The following RCC1 variants were observed in gnomAD, a reference collection of about 807,000 sequenced individuals.
The protein encoded by RCC1 is regulator of chromosome condensation 1, also known as regulator of chromosome condensation.
A neutral mutation model predicts 44.4 loss-of-function variants in RCC1; 11 were observed. That is an observed-to-expected ratio of 0.25 (90% CI 0.16 to 0.41). RCC1 has a LOEUF of 0.41. Ranked by LOEUF, RCC1 falls within the 10% of genes least tolerant of loss-of-function variation. RCC1 has a pLI of 1.00. For missense variants in RCC1, 386 were observed against 547.1 expected, an observed-to-expected ratio of 0.71 and a Z score of 2.94; for synonymous variants, 213 against 216.5, an observed-to-expected ratio of 0.98 and a Z score of 0.14.
rs1383079955 is a variant in RCC1, at chr1:28,538,176, CTT to C, written c.*171_*172del. ...TCCTTTTCCTCTTTTCCTTCCTCCT[CTT>C]TGGAATTTTCCTGGGACCTACAGAA... On this transcript the variant is annotated 3_prime_UTR_variant, in exon 13 of 13. Coordinates refer to ENST00000683442, the MANE Select transcript of RCC1 (RefSeq NM_001381865.2). 6.0e-5 allele frequency: 36 copies of C among 601,356 alleles called. No individual in the cohort carries two copies. In the Admixed American group the frequency reaches 1.2e-3, roughly 19 times the overall value. 37.3% of individuals were successfully genotyped at this position (601,356 alleles called of 1,614,324 possible).
intron 1 of RCC1, chr1:28,507,639 G>A (rs150220106): frequency 2.4e-6 from 1 of 421,552 alleles, no homozygotes; most frequent in Non-Finnish European, 4.5e-6. Context: ...GAGTCGCTCT[G>A]TTGCCCAGGC....
intron 1 of RCC1, chr1:28,506,590 C>T (rs932294041): frequency 5.1e-6 from 1 of 195,038 alleles, no homozygotes; most frequent in South Asian, 6.9e-5. Flanking sequence ...CCATGGAGAC[C>T]TCGGGACCCG....
At chr1:28,528,684 G>A (rs1663860264) in intron 4 of RCC1, among the ~76,000 whole-genome samples, 2 of 151,774 alleles carry the variant, frequency 1.3e-5, no homozygotes, top group Non-Finnish European at 2.9e-5. Context: ...AATATAGGAA[G>A]ATAAAACGAA....
chr1:28,522,511 A>G (rs1663348481), intron 4 of RCC1, among the ~76,000 whole-genome samples: 1 of 152,002 alleles, frequency 6.6e-6, no homozygotes, highest in Non-Finnish European at 1.5e-5. Context: ...TGAGGTTTGG[A>G]AAGATCATGA....
Position 28,535,921 on chromosome 1 carries a change from G to A in RCC1, c.712G>A (p.Gly238Ser), listed in dbSNP as rs1664523226. 2 of 1,614,074 alleles carry A rather than the reference G, an allele frequency of 1.2e-6. No individual in the cohort carries two copies. The highest frequency in any genetic ancestry group is 1.7e-6 in the Non-Finnish European group (2 of 1,179,994). Residue 238 changes from glycine (G) to serine (S), a missense_variant, in exon 10 of 13, where the codon GGC (glycine) becomes AGC (serine). Physicochemically the swap from Gly to Ser is moderately conservative, Grantham distance 56. Transcript: ENST00000683442. ...GATGCTGAAATCCAGGGGAAGCCGG[G>A]GCCACGTGAGATTCCAGGATGCCTT... Reference protein sequence around the residue: ...CVMLKSRGSRGHVRFQDAFCG... With the variant: ...CVMLKSRGSRSHVRFQDAFCG...
At position 28,513,620 on chromosome 1, in the gene RCC1, C is replaced by T. The variant is rs535000714; in HGVS notation, c.-152-3105C>T. On this transcript the variant is annotated intron_variant, in intron 3 of 12. Transcript: ENST00000683442. Reference sequence around the variant, plus strand: ...TTAAGACAGGGTCTCACTCTGTCACCCAGGCCAGAGTTCAGTGGCAAGATT... The same window carrying T: ...TTAAGACAGGGTCTCACTCTGTCACTCAGGCCAGAGTTCAGTGGCAAGATT... Among the ~76,000 whole-genome samples the T allele has an allele frequency of 1.2e-4, 18 of 152,100 alleles. No homozygotes were observed. In the East Asian group the frequency reaches 3.5e-3, roughly 29 times the overall value.
At chr1:28,508,575 G>A (rs1022308365) in intron 2 of RCC1, 1 of 518,436 alleles carries the variant, frequency 1.9e-6, no homozygotes, top group African/African-American at 1.9e-5. Context: ...TGGATACCCT[G>A]GGAGGTCACT....
intron 1 of RCC1, chr1:28,507,221 C>A: frequency 2.4e-6 from 1 of 411,410 alleles, no homozygotes; most frequent in Admixed American, 3.0e-5. Context: ...ATGCATGTTA[C>A]CAGTCTAGAA....
chr1:28,535,237 CCCTTA>C lies in RCC1; in HGVS notation c.539-16_539-12del. The C allele has an allele frequency of 6.2e-7, 1 of 1,614,184 alleles. No individual in the cohort carries two copies. The highest frequency in any genetic ancestry group is 2.2e-5 in the East Asian group (1 of 44,888). ...TGGGCCTTACAGTTGTGGCCTGCAT[CCCTTA>C]CCTTTTCATCCTTAGGAAACGACCA... On this transcript the variant is annotated splice_polypyrimidine_tract_variant and intron_variant, in intron 8 of 12. Coordinates refer to ENST00000683442, the MANE Select transcript of RCC1 (RefSeq NM_001381865.2).
chr1:28,514,226 GGATCACGA>G (rs1160294018), intron 3 of RCC1, among the ~76,000 whole-genome samples: 2 of 151,874 alleles, frequency 1.3e-5, no homozygotes, highest in African/African-American at 2.4e-5. Flanking sequence ...CGAGGCGGGC[GGATCACGA>G]GATCAGGAGA....
intron 3 of RCC1, chr1:28,510,616 T>C (rs1340539243): frequency 6.6e-6 from 1 of 152,240 alleles, no homozygotes; most frequent in Non-Finnish European, 1.5e-5. Context: ...GGCATCTTCC[T>C]AAAGCAATTG....
chr1:28,507,105 G>GT, intron 1 of RCC1: 2 of 231,530 alleles, frequency 8.6e-6, no homozygotes, highest in Middle Eastern at 3.8e-3. Flanking sequence ...AAGTCCACGT[G>GT]TTTCATTTGA....
intron 1 of RCC1, chr1:28,506,336 C>A: frequency 2.5e-6 from 1 of 404,424 alleles, no homozygotes; most frequent in Non-Finnish European, 4.9e-6. Flanking sequence ...AGGCACGTGC[C>A]ACCACGCCCG....
In RCC1 at chr1:28,536,163, G is replaced by T; in HGVS notation, c.818-99G>T. 6.4e-7 allele frequency: 1 copy of T among 1,557,538 alleles called. No individual in the cohort carries two copies. Among genetic ancestry groups the T allele is most frequent in the Non-Finnish European group, 8.7e-7 (1 of 1,149,798 alleles). Reference sequence around the variant, plus strand: ...GTTTTGTCATCTGTAAAGTGAGAATGTCCATATCCTGATGGGAGGTGGCCT... The same window carrying T: ...GTTTTGTCATCTGTAAAGTGAGAATTTCCATATCCTGATGGGAGGTGGCCT... On this transcript the variant is annotated intron_variant, in intron 10 of 12. Coordinates refer to ENST00000683442, the MANE Select transcript of RCC1 (RefSeq NM_001381865.2). This position sits in a 1 kb window ranked among gnomAD's most constrained non-coding sequence, Gnocchi z 4.9.
chr1:28,533,866 T>TTTTTTTTTTTTTTTTTTTTA (rs1664365865), intron 7 of RCC1, among the ~76,000 whole-genome samples: 1 of 20,098 alleles, frequency 5.0e-5, no homozygotes, highest in Non-Finnish European at 8.5e-5. Context: ...TTTTTTTTTT[T>TTTTTTTTTTTTTTTTTTTTA]TTTTTTTTTT....
intron 4 of RCC1, among the ~76,000 whole-genome samples, chr1:28,522,824 T>A (rs912930766): frequency 5.3e-5 from 8 of 150,872 alleles, no homozygotes; most frequent in South Asian, 4.2e-4. Flanking sequence ...CAAAAAAAAA[T>A]AAATATATAT....
At chr1:28,522,397 C>T (rs1253726621) in intron 4 of RCC1, among the ~76,000 whole-genome samples, 1 of 152,002 alleles carries the variant, frequency 6.6e-6, no homozygotes, top group Non-Finnish European at 1.5e-5. Context: ...TGTCAGTACC[C>T]GATGTTGGAG....
chr1:28,532,457 G>A, intron 7 of RCC1, 107 bp downstream of exon 7: 2 of 1,251,450 alleles, frequency 1.6e-6, no homozygotes, highest in Non-Finnish European at 2.2e-6. Context: ...CTGGTGGGGA[G>A]ATGAAAGCCC....
rs1469883949 is a variant in RCC1, at chr1:28,525,714, T to C, written c.-9-4144T>C. 3.3e-5 allele frequency among the ~76,000 whole-genome samples: 5 copies of C among 152,320 alleles called. No individual in the cohort carries two copies. The East Asian group carries it at 7.7e-4, about 24-fold the overall frequency. ...CTGCAGAAGCTCAGCCTGCAAAGGCTTATCAGGATTCTAGACCTTTGGTTA... is the reference window on the plus strand; with the variant it reads ...CTGCAGAAGCTCAGCCTGCAAAGGCCTATCAGGATTCTAGACCTTTGGTTA... On this transcript the variant is annotated intron_variant, in intron 4 of 12. Coordinates refer to ENST00000683442, the MANE Select transcript of RCC1 (RefSeq NM_001381865.2).
Sources: allele counts gnomAD v4.1 joint callset (sites outside exome capture counted in the v4.1 genomes callset), GRCh38; gene constraint gnomAD v4.1.1; non-coding constraint Gnocchi (gnomAD v3.1); transcripts MANE v1.5; gene names NCBI Gene and HGNC (gene_info 2026-07-23, HGNC 2026-07-21).